Variants in AGMO observed in about 807,000 individuals in gnomAD.
AGMO encodes the protein alkylglycerol monooxygenase, also known as glyceryl-ether monooxygenase.
AGMO carries 75 observed loss-of-function variants against 60.2 expected under a neutral mutation model. That is an observed-to-expected ratio of 1.25 (90% CI 1.03 to 1.51). AGMO has a LOEUF of 1.51. Ranked by LOEUF, AGMO falls within the 40% of genes most tolerant of loss-of-function variation. AGMO has a pLI of 0.00. For synonymous variants in AGMO, 261 were observed against 177.1 expected (o/e 1.47, Z -3.76); for missense variants, 763 against 525.5 (o/e 1.45, Z -4.42).
chr7:15,248,187 T>TATAC (rs1438165878), intron 12 of AGMO, among the ~76,000 whole-genome samples: 559 of 48,242 alleles, frequency 0.012, 12 homozygotes, highest in African/African-American at 0.03. Flanking sequence ...ACCATATATA[T>TATAC]ATATATATAT....
intron 12 of AGMO, among the ~76,000 whole-genome samples, chr7:15,286,670 T>C (rs958024188): frequency 1.1e-4 from 17 of 152,146 alleles, no homozygotes; most frequent in African/African-American, 3.9e-4. Flanking sequence ...TATGGAGATT[T>C]CTCAAAAAAC....
rs375623307 is a variant in AGMO, at chr7:15,415,313, C to T, written c.609+3245G>A. Among the ~76,000 whole-genome samples, 20 of 151,876 alleles carry T rather than the reference C, an allele frequency of 1.3e-4. No homozygotes were observed. The South Asian group carries it at 1.9e-3, about 14-fold the overall frequency. On this transcript the variant is annotated intron_variant, in intron 5 of 12. Coordinates refer to ENST00000342526, the MANE Select transcript of AGMO (RefSeq NM_001004320.2). ...TAATCCCAGCACTTTGGAAGGCCAA[C>T]GCAGGCAGATCACAAGGTCAAGAGA...
intron 4 of AGMO, among the ~76,000 whole-genome samples, chr7:15,426,141 T>C (rs1781055561): frequency 6.6e-6 from 1 of 152,184 alleles, no homozygotes; most frequent in South Asian, 2.1e-4. Flanking sequence ...CAGATGTAAA[T>C]TATTTCACAC....
At chr7:15,546,580 CT>C (rs1202967801) in intron 2 of AGMO, among the ~76,000 whole-genome samples, 1 of 152,186 alleles carries the variant, frequency 6.6e-6, no homozygotes, top group Admixed American at 6.5e-5. Flanking sequence ...CCAAGGGTGG[CT>C]ATTTTGGGGC....
intron 11 of AGMO, among the ~76,000 whole-genome samples, chr7:15,365,845 G>A (rs1782955359): frequency 6.6e-6 from 1 of 151,948 alleles, no homozygotes; most frequent in South Asian, 2.1e-4. Flanking sequence ...GAGCACTGAT[G>A]AGTTATGAAG....
chr7:15,539,169 G>C (rs990502210), intron 3 of AGMO, among the ~76,000 whole-genome samples: 1 of 151,778 alleles, frequency 6.6e-6, no homozygotes, highest in Non-Finnish European at 1.5e-5. Context: ...TTTAGGTTCA[G>C]GGGCACATGT....
Position 15,474,854 on chromosome 7 carries a change from A to G in AGMO, c.410-43746T>C, listed in dbSNP as rs537660047. On this transcript the variant is annotated intron_variant, in intron 3 of 12. Transcript: ENST00000342526. ...AAGAACTTAGACAAATTTACATAAA[A>G]AAAACAACCCCATCAACAAGTGGGC... Among the ~76,000 whole-genome samples the G allele has an allele frequency of 8.5e-5, 13 of 152,170 alleles. No individual in the cohort carries two copies. In the South Asian group the frequency reaches 2.1e-3, roughly 24 times the overall value.
intron 12 of AGMO, among the ~76,000 whole-genome samples, chr7:15,300,026 T>G (rs140775980): frequency 7.2e-5 from 11 of 152,002 alleles, no homozygotes; most frequent in East Asian, 1.9e-4. Context: ...AGCATGGAAT[T>G]TGAGAAGAGA....
chr7:15,540,152 C>G (rs1389294292), intron 3 of AGMO, among the ~76,000 whole-genome samples: 1 of 152,130 alleles, frequency 6.6e-6, no homozygotes, highest in Non-Finnish European at 1.5e-5. Flanking sequence ...GAGAACCAAG[C>G]AGGTACTTAT....
At chr7:15,368,302 A>C (rs1351081108) in intron 10 of AGMO, among the ~76,000 whole-genome samples, 1 of 151,862 alleles carries the variant, frequency 6.6e-6, no homozygotes, top group Non-Finnish European at 1.5e-5. Flanking sequence ...AAAACCAGAA[A>C]AATATTTTCC....
chr7:15,499,676 A>G (rs530781821), intron 3 of AGMO, among the ~76,000 whole-genome samples: 1 of 151,940 alleles, frequency 6.6e-6, no homozygotes, highest in Admixed American at 6.6e-5. Context: ...CCAAAAATGA[A>G]TAAGGGATAT....
rs191622674 is a variant in AGMO, at chr7:15,468,192, A to C, written c.410-37084T>G. On this transcript the variant is annotated intron_variant, in intron 3 of 12. Transcript: ENST00000342526. Reference sequence around the variant, plus strand: ...GCTAATCCAAAATGGTGATGGCAAAAATACTGTTGTAGCTGTTACATCCCT... The same window carrying C: ...GCTAATCCAAAATGGTGATGGCAAACATACTGTTGTAGCTGTTACATCCCT... Among the ~76,000 whole-genome samples the C allele has an allele frequency of 2.3e-3, 356 of 152,304 alleles. 1 individual carries two copies. The highest frequency in any genetic ancestry group is 8.2e-3 in the African/African-American group (341 of 41,570).
intron 6 of AGMO, among the ~76,000 whole-genome samples, chr7:15,391,861 G>A (rs779627876): frequency 6.6e-6 from 1 of 152,040 alleles, no homozygotes; most frequent in Non-Finnish European, 1.5e-5. Flanking sequence ...CTAATGGGTG[G>A]GGGCCAGTGA....
intron 3 of AGMO, among the ~76,000 whole-genome samples, chr7:15,487,577 A>C: frequency 6.6e-6 from 1 of 152,186 alleles, no homozygotes; most frequent in Admixed American, 6.5e-5. Flanking sequence ...ATTTTAAAAT[A>C]CGTATGTTTA....
At chr7:15,400,027 A>G (rs1048053993) in intron 5 of AGMO, among the ~76,000 whole-genome samples, 2 of 152,110 alleles carry the variant, frequency 1.3e-5, no homozygotes, top group Admixed American at 6.6e-5. Context: ...ATATTGAGAG[A>G]TCATTAATTC....
intron 3 of AGMO, among the ~76,000 whole-genome samples, chr7:15,477,385 T>G (rs1292659855): frequency 1.3e-5 from 2 of 152,112 alleles, no homozygotes; most frequent in Non-Finnish European, 2.9e-5. Context: ...ACATACACAG[T>G]CACTCTGTCT....
chr7:15,350,272 CAAAT>C lies in AGMO; in HGVS notation c.1263+15238_1263+15241del, dbSNP rs1563102280. Among the ~76,000 whole-genome samples the C allele has an allele frequency of 3.9e-4, 59 of 151,994 alleles. 1 individual carries two copies. The highest frequency in any genetic ancestry group is 1.9e-3 in the East Asian group (10 of 5,158). On this transcript the variant is annotated intron_variant, in intron 12 of 12. Transcript: ENST00000342526. ...TACCTTCTTGTGCTGTACATTAAAT[CAAAT>C]AAAATTATGTATAAATATTGAGTTT...
chr7:15,385,956 G>T (rs560902339), intron 9 of AGMO, among the ~76,000 whole-genome samples: 1 of 152,046 alleles, frequency 6.6e-6, no homozygotes, highest in African/African-American at 2.4e-5. Context: ...CGAGGCAGGC[G>T]GATCATTTGA....
At chr7:15,457,414 A>C (rs1035336787) in intron 3 of AGMO, among the ~76,000 whole-genome samples, 3 of 152,188 alleles carry the variant, frequency 2.0e-5, no homozygotes, top group Admixed American at 6.6e-5. Context: ...TTTTTCTGCA[A>C]ACTTCCTAAC....
Sources: allele counts gnomAD v4.1 joint callset (sites outside exome capture counted in the v4.1 genomes callset), GRCh38; gene constraint gnomAD v4.1.1; transcripts MANE v1.5; gene names NCBI Gene and HGNC (gene_info 2026-07-23, HGNC 2026-07-21).